Variants in LRRC4C observed in about 807,000 individuals in gnomAD.
LRRC4C encodes the protein leucine-rich repeat-containing protein 4C.
A neutral mutation model predicts 33.6 loss-of-function variants in LRRC4C; 5 were observed. That is an observed-to-expected ratio of 0.15 (90% CI 0.08 to 0.31). The LOEUF (loss-of-function observed/expected upper bound fraction) is 0.31, where lower values mean the gene tolerates loss of function less well. Ranked by LOEUF, LRRC4C falls within the 10% of genes least tolerant of loss-of-function variation. LRRC4C has a pLI of 1.00. For synonymous variants in LRRC4C, 329 were observed against 302.0 expected (o/e 1.09, Z -0.93); for missense variants, 560 against 796.7 (o/e 0.70, Z 3.58).
intron 5 of LRRC4C, among the ~76,000 whole-genome samples, chr11:40,143,119 A>G (rs1857486160): frequency 6.6e-6 from 1 of 152,044 alleles, no homozygotes; most frequent in South Asian, 2.1e-4. Flanking sequence ...TTTATATCCT[A>G]TCACCCATGC....
At chr11:40,215,094 A>G (rs1394300487) in intron 5 of LRRC4C, among the ~76,000 whole-genome samples, 1 of 152,178 alleles carries the variant, frequency 6.6e-6, no homozygotes, top group Non-Finnish European at 1.5e-5. Context: ...CAGCAGTACT[A>G]CAACTAATGA....
intron 3 of LRRC4C, among the ~76,000 whole-genome samples, chr11:40,629,398 G>T (rs1348159695): frequency 6.6e-6 from 1 of 151,962 alleles, no homozygotes. Flanking sequence ...GTCCAAACTG[G>T]ATTTTTTCTA....
At chr11:41,403,563 T>C (rs1954106184) in intron 1 of LRRC4C, among the ~76,000 whole-genome samples, 1 of 152,064 alleles carries the variant, frequency 6.6e-6, no homozygotes, top group South Asian at 2.1e-4. Context: ...AATAAATGTA[T>C]GATAACTATG....
At chr11:41,070,055 G>T (rs775433643) in intron 1 of LRRC4C, among the ~76,000 whole-genome samples, 1 of 152,034 alleles carries the variant, frequency 6.6e-6, no homozygotes, top group Non-Finnish European at 1.5e-5. Flanking sequence ...GCATGGTACT[G>T]GTACAAAAAC....
chr11:40,842,050 G>A (rs1193941113), intron 2 of LRRC4C, among the ~76,000 whole-genome samples: 2 of 152,306 alleles, frequency 1.3e-5, no homozygotes, highest in Admixed American at 1.3e-4. Flanking sequence ...TGCACTTCAG[G>A]CTTGCATTAT....
chr11:40,601,357 A>G (rs1468964916), intron 3 of LRRC4C, among the ~76,000 whole-genome samples: 2 of 152,218 alleles, frequency 1.3e-5, no homozygotes, highest in East Asian at 3.9e-4. Context: ...GAGAGCCTGC[A>G]GCTATTTTTC....
intron 4 of LRRC4C, among the ~76,000 whole-genome samples, chr11:40,268,563 A>C (rs1405625479): frequency 6.6e-6 from 1 of 152,174 alleles, no homozygotes; most frequent in Non-Finnish European, 1.5e-5. Flanking sequence ...AGAGATATTA[A>C]AGACATAAAT....
intron 2 of LRRC4C, among the ~76,000 whole-genome samples, chr11:40,707,553 A>G (rs1389094364): frequency 6.6e-6 from 1 of 152,212 alleles, no homozygotes; most frequent in African/African-American, 2.4e-5. Flanking sequence ...CATCTCAGGG[A>G]TGAAGCCAAC....
chr11:40,253,657 G>A (rs1416442095), intron 4 of LRRC4C, among the ~76,000 whole-genome samples: 1 of 152,140 alleles, frequency 6.6e-6, no homozygotes, highest in Non-Finnish European at 1.5e-5. Context: ...ACGATTTATG[G>A]ATTACTAAAC....
chr11:40,623,363 A>C (rs1188635554), intron 3 of LRRC4C, among the ~76,000 whole-genome samples: 1 of 152,048 alleles, frequency 6.6e-6, no homozygotes, highest in Non-Finnish European at 1.5e-5. Context: ...ATGCTATTTT[A>C]AGTTCTAAAG....
chr11:40,531,793 A>T (rs892001913), intron 3 of LRRC4C, among the ~76,000 whole-genome samples: 3 of 151,788 alleles, frequency 2.0e-5, no homozygotes, highest in Admixed American at 6.6e-5. Context: ...TATAAAATTT[A>T]TGTTTGTTTG....
intron 3 of LRRC4C, among the ~76,000 whole-genome samples, chr11:40,478,603 T>A (rs1359917341): frequency 1.3e-5 from 2 of 152,198 alleles, no homozygotes; most frequent in Non-Finnish European, 2.9e-5. Flanking sequence ...TACAGGTTGT[T>A]ACATAGGTAT....
At chr11:40,578,252 T>C (rs975424395) in intron 3 of LRRC4C, among the ~76,000 whole-genome samples, 2 of 143,368 alleles carry the variant, frequency 1.4e-5, no homozygotes, top group African/African-American at 5.1e-5. Flanking sequence ...TTCCCAACTA[T>C]GCCCCTGGCA....
intron 3 of LRRC4C, among the ~76,000 whole-genome samples, chr11:40,369,581 G>T (rs1023009218): frequency 3.9e-5 from 6 of 152,152 alleles, no homozygotes; most frequent in Non-Finnish European, 8.8e-5. Flanking sequence ...CAGGTGGTCT[G>T]CCCGCCTCAG....
chr11:41,223,165 T>G (rs1429925283), intron 1 of LRRC4C, among the ~76,000 whole-genome samples: 1 of 152,124 alleles, frequency 6.6e-6, no homozygotes, highest in Non-Finnish European at 1.5e-5. Context: ...CAAAAAGAAA[T>G]AAAAAATAAA....
At chr11:40,699,303 C>T (rs1487696411) in intron 2 of LRRC4C, among the ~76,000 whole-genome samples, 1 of 152,266 alleles carries the variant, frequency 6.6e-6, no homozygotes. Flanking sequence ...TCTCAGATTA[C>T]GTCTGGTACA....
chr11:41,078,575 G>A (rs1174772678), intron 1 of LRRC4C, among the ~76,000 whole-genome samples: 2 of 152,104 alleles, frequency 1.3e-5, no homozygotes, highest in South Asian at 2.1e-4. Flanking sequence ...GAGCAAAGGG[G>A]TAGGTGCCAC....
At chr11:40,554,564 T>C (rs542234070) in intron 3 of LRRC4C, among the ~76,000 whole-genome samples, 1 of 152,164 alleles carries the variant, frequency 6.6e-6, no homozygotes, top group Non-Finnish European at 1.5e-5. Context: ...TATGGCCATG[T>C]TAACAATACT....
At chr11:40,879,420 C>A (rs1188605069) in intron 2 of LRRC4C, among the ~76,000 whole-genome samples, 1 of 152,128 alleles carries the variant, frequency 6.6e-6, no homozygotes, top group African/African-American at 2.4e-5. Context: ...CTTGTTCTAA[C>A]AGGCGACAGC....
Sources: gnomAD v4.1 joint callset for allele counts (sites outside exome capture counted in the v4.1 genomes callset) on GRCh38, gnomAD v4.1.1 for gene constraint, MANE v1.5 for transcripts, NCBI Gene and HGNC (gene_info 2026-07-23, HGNC 2026-07-21) for gene names.